PLCG2: variants seen among roughly 807,000 people sequenced by gnomAD.
PLCG2 encodes phospholipase C gamma 2.
In PLCG2, 69 loss-of-function variants were observed where a neutral mutation model predicts 175.6. The ratio of observed to expected loss-of-function variants is 0.39; its 90% CI spans 0.32 to 0.48. The LOEUF is 0.48. Among genes scored for constraint, PLCG2 ranks in the 20% least tolerant of loss-of-function variants. The pLI, the probability that PLCG2 is intolerant of heterozygous loss-of-function variation, is 0.91. For missense variants in PLCG2, 1,798 were observed against 1,650.9 expected (o/e 1.09, Z -1.54); for synonymous variants, 827 against 624.0 (o/e 1.33, Z -4.85).
rs1302412528 is a variant in PLCG2, at chr16:81,961,490, T to C, written c.*3492T>C. 1 of 223,294 alleles carries C rather than the reference T, an allele frequency of 4.5e-6. No homozygotes were observed. The highest frequency in any genetic ancestry group is 6.6e-5 in the East Asian group (1 of 15,162). The allele number at this position is 223,294 out of a possible 1,614,324, so 13.8% of individuals were successfully genotyped here. On this transcript the variant is annotated 3_prime_UTR_variant, in exon 33 of 33. Transcript: ENST00000564138. ...TTAAAGGCTTACAGCCTTAGGATTATAGGATACTATATAATACTTTTGGTA... is the reference window on the plus strand; with the variant it reads ...TTAAAGGCTTACAGCCTTAGGATTACAGGATACTATATAATACTTTTGGTA...
At chr16:81,873,955 T>C (rs1416602641) in intron 7 of PLCG2, among the ~76,000 whole-genome samples, 1 of 152,104 alleles carries the variant, frequency 6.6e-6, no homozygotes, top group Non-Finnish European at 1.5e-5. Context: ...GGGAGAAACA[T>C]AAATTGGAAT....
At chr16:81,748,656 T>C (rs1264557792) in intron 1 of PLCG2, among the ~76,000 whole-genome samples, 3 of 152,078 alleles carry the variant, frequency 2.0e-5, no homozygotes, top group African/African-American at 7.2e-5. Context: ...AAAAAATAAC[T>C]TCAAAGAAGA....
intron 16 of PLCG2, 80 bp from the exon 17 acceptor site, chr16:81,908,336 G>A: frequency 1.5e-6 from 2 of 1,324,362 alleles, no homozygotes; most frequent in East Asian, 4.7e-5. Flanking sequence ...CCTGGGTCAG[G>A]GTGAGACAGA....
chr16:81,905,554 A>G (rs774504162), intron 15 of PLCG2, 47 bp downstream of exon 15: 1 of 1,251,144 alleles, frequency 8.0e-7, no homozygotes, highest in Non-Finnish European at 1.2e-6. Context: ...CGCCCCTTGC[A>G]GCTGCTTCTT....
At chr16:81,890,605 T>G (rs1390760232) in intron 10 of PLCG2, among the ~76,000 whole-genome samples, 2 of 152,138 alleles carry the variant, frequency 1.3e-5, no homozygotes, top group Non-Finnish European at 1.5e-5. Flanking sequence ...AATGCGAAGG[T>G]GTCTGGGTGC....
At chr16:81,902,652 A>G (rs1226440953) in intron 14 of PLCG2, among the ~76,000 whole-genome samples, 1 of 151,988 alleles carries the variant, frequency 6.6e-6, no homozygotes, top group Non-Finnish European at 1.5e-5. Context: ...CATTCATAAA[A>G]GCTCTACCCT....
Position 81,910,611 on chromosome 16 carries a change from A to G in PLCG2, c.1825A>G (p.Ser609Gly), listed in dbSNP as rs772501660. 10 of 1,614,016 alleles carry G rather than the reference A, an allele frequency of 6.2e-6. No homozygotes were observed. In the South Asian group the frequency reaches 9.9e-5, roughly 16 times the overall value. Reference sequence around the variant, plus strand: ...CTTGACTGACAACCTCACCTTCAGCAGCATCTATGCCCTCATCCAGCACTA... The same window carrying G: ...CTTGACTGACAACCTCACCTTCAGCGGCATCTATGCCCTCATCCAGCACTA... The part of the protein sequence containing the change: ...YYLTDNLTFS[S>G]IYALIQHYRE... The change falls in exon 18 of 33, where the codon AGC (serine) becomes GGC (glycine). Residue 609 changes from serine to glycine, a missense_variant. By Grantham distance (56) the Ser-to-Gly change is moderately conservative (BLOSUM62 0). Transcript: ENST00000564138.
chr16:81,942,084 G>T (rs530644331), intron 30 of PLCG2, among the ~76,000 whole-genome samples: 9 of 152,262 alleles, frequency 5.9e-5, no homozygotes, highest in African/African-American at 2.2e-4. Context: ...CGCTGTAACA[G>T]ATTTCTTTTT....
At chr16:81,909,169 A>C (rs1909509415) in intron 17 of PLCG2, among the ~76,000 whole-genome samples, 1 of 152,266 alleles carries the variant, frequency 6.6e-6, no homozygotes, top group Non-Finnish European at 1.5e-5. Context: ...CCTCCTGGAC[A>C]CTAGCGTCTT....
chr16:81,810,778 C>G (rs1457164686), intron 2 of PLCG2, among the ~76,000 whole-genome samples: 2 of 152,050 alleles, frequency 1.3e-5, no homozygotes, highest in Non-Finnish European at 1.5e-5. Context: ...GGGCAAAGCA[C>G]TGTATTGAGT....
upstream of PLCG2, among the ~76,000 whole-genome samples, chr16:81,775,946 C>T (rs544245128): frequency 2.6e-5 from 4 of 151,688 alleles, no homozygotes; most frequent in Non-Finnish European, 5.9e-5. Flanking sequence ...TGGGCTCTGA[C>T]ACCAGACAGG....
intron 2 of PLCG2, among the ~76,000 whole-genome samples, chr16:81,829,171 C>T (rs947043163): frequency 1.2e-4 from 19 of 152,098 alleles, no homozygotes; most frequent in Non-Finnish European, 1.3e-4. Flanking sequence ...TGCAGTGGCA[C>T]GATCTCGGCT....
chr16:81,905,276 G>A (rs1909317106), intron 14 of PLCG2, 127 bp from the exon 15 acceptor site: 5 of 674,054 alleles, frequency 7.4e-6, no homozygotes, highest in Non-Finnish European at 1.3e-5. Flanking sequence ...AGACTAAGAG[G>A]GAAGCCAGGC....
rs138699122 is a variant in PLCG2 at position 81,785,985 on chromosome 16, C to G, written c.-5C>G. ...ATTCCTTCCTTCTCCCTGGAGCGGC[C>G]GACAATGTCCACCACGGTCAATGTA... On this transcript the variant is annotated 5_prime_UTR_variant, in exon 2 of 33. Transcript: ENST00000564138. The G allele has an allele frequency of 6.2e-7, 1 of 1,611,170 alleles. No homozygotes were observed. The highest frequency in any genetic ancestry group is 1.3e-5 in the African/African-American group (1 of 74,800).
chr16:81,813,555 A>G (rs755054049), intron 2 of PLCG2, among the ~76,000 whole-genome samples: 37 of 152,298 alleles, frequency 2.4e-4, no homozygotes, highest in Non-Finnish European at 4.9e-4. Flanking sequence ...TTATCAGCTG[A>G]AGGAGATTTT....
chr16:81,940,574 C>T (rs200228075), intron 30 of PLCG2, among the ~76,000 whole-genome samples: 1 of 152,282 alleles, frequency 6.6e-6, no homozygotes, highest in Non-Finnish European at 1.5e-5. Context: ...GTTTTCTTCC[C>T]TGCTGAAGAA....
In PLCG2 at chr16:81,846,826, G is replaced by A. The variant is rs144326837; in HGVS notation, c.194-7618G>A. On this transcript the variant is annotated intron_variant, in intron 2 of 32. Coordinates refer to ENST00000564138, the MANE Select transcript of PLCG2 (RefSeq NM_002661.5). ...CACCTCAGAGAAAGGAAAAATCAAG[G>A]TGTGTTTTTTTTCTCTTTCTCTTTC... 2.0e-3 allele frequency among the ~76,000 whole-genome samples: 303 copies of A among 152,200 alleles called. 1 individual carries two copies. The highest frequency in any genetic ancestry group is 7.0e-3 in the African/African-American group (290 of 41,526).
rs770270755 is a variant in PLCG2, at chr16:81,741,646, C to T, written c.-145+2261C>T. On this transcript the variant is annotated intron_variant, in intron 1 of 5. Transcript: ENST00000565054. ...CCAACATGGTGAAACCCTGTCTCTA[C>T]GAAAAATACAAAAATGAACTTGGTG... 3.3e-5 allele frequency among the ~76,000 whole-genome samples: 5 copies of T among 152,196 alleles called. No individual in the cohort carries two copies. The South Asian group carries it at 6.2e-4, about 19-fold the overall frequency.
intron 1 of PLCG2, among the ~76,000 whole-genome samples, chr16:81,781,788 C>A (rs553342998): frequency 6.6e-6 from 1 of 152,122 alleles, no homozygotes; most frequent in Non-Finnish European, 1.5e-5. Context: ...TACTGGCTTA[C>A]CATGCACAGA....
Sources: allele counts gnomAD v4.1 joint callset (sites outside exome capture counted in the v4.1 genomes callset), GRCh38; gene constraint gnomAD v4.1.1; transcripts MANE v1.5; gene names NCBI Gene and HGNC (gene_info 2026-07-23, HGNC 2026-07-21).